ARHGEF1: variants seen among roughly 807,000 people sequenced by gnomAD.
The protein encoded by ARHGEF1 is Rho guanine nucleotide exchange factor 1.
In ARHGEF1, 40 loss-of-function variants were observed where a neutral mutation model predicts 119.7. That is an observed-to-expected ratio of 0.33 (90% confidence interval 0.26 to 0.44). The LOEUF (loss-of-function observed/expected upper bound fraction) is 0.44, where lower values mean the gene tolerates loss of function less well. Among genes scored for constraint, ARHGEF1 ranks in the 20% least tolerant of loss-of-function variants. The pLI is 1.00. For synonymous variants in ARHGEF1, 494 were observed against 521.0 expected, an observed-to-expected ratio of 0.95 and a Z score of 0.71; for missense variants, 976 against 1,268.3, an observed-to-expected ratio of 0.77 and a Z score of 3.50.
chr19:41,907,651 C>T (rs1263382674), downstream of ARHGEF1: 8 of 438,352 alleles, frequency 1.8e-5, no homozygotes, highest in Admixed American at 4.1e-5. Flanking sequence ...TCCCTGACAC[C>T]GCCCTCCAGC....
chr19:41,914,563 A>G lies in ARHGEF1; in HGVS notation c.1865+7760A>G, dbSNP rs868957595. ...ATCCGTCTTTCCCTCCCCTTCCACCATCTCTGTCTCCGTCTCTCCCTCCCT... is the reference window on the plus strand; with the variant it reads ...ATCCGTCTTTCCCTCCCCTTCCACCGTCTCTGTCTCCGTCTCTCCCTCCCT... On this transcript the variant is annotated intron_variant, in intron 18 of 20. Transcript: ENST00000599589. 3.5e-3 allele frequency among the ~76,000 whole-genome samples: 197 copies of G among 56,644 alleles called. 21 individuals are homozygous for G. The highest frequency in any genetic ancestry group is 0.012 in the African/African-American group (159 of 13,736). 37.2% of individuals were successfully genotyped at this position (56,644 alleles called of 152,430 possible). A position where few individuals can be genotyped will look rare whatever the true frequency, so the allele number is the denominator to read the frequency against.
chr19:41,913,172 A>C (rs2074764345), intron 18 of ARHGEF1, among the ~76,000 whole-genome samples: 1 of 142,334 alleles, frequency 7.0e-6, no homozygotes, highest in Non-Finnish European at 1.5e-5. Context: ...CCTCCTCCTC[A>C]CTCGGTGCCT....
Position 41,916,804 on chromosome 19 carries a change from A to T in ARHGEF1, c.1866-6288A>T, listed in dbSNP as rs1555851986. On this transcript the variant is annotated intron_variant, in intron 18 of 20. Coordinates refer to the ARHGEF1 transcript ENST00000599589. This position sits in a 1 kb window ranked among gnomAD's most constrained non-coding sequence, Gnocchi z 5.4. ...CCCATTCACAGACACAGTCACAATCACACACACACACCAAGATCACGGACC... is the reference window on the plus strand; with the variant it reads ...CCCATTCACAGACACAGTCACAATCTCACACACACACCAAGATCACGGACC... 6.6e-6 allele frequency among the ~76,000 whole-genome samples: 1 copy of T among 151,632 alleles called. No homozygotes were observed. The highest frequency in any genetic ancestry group is 1.5e-5 in the Non-Finnish European group (1 of 67,928).
At chr19:41,907,010 TCTCTCTCTG>T in intron 28 of ARHGEF1, 86 bp from the exon 29 acceptor site, 1 of 1,241,462 alleles carries the variant, frequency 8.1e-7, no homozygotes. Context: ...CACCTCCCCT[TCTCTCTCTG>T]CTCTCCCTGT....
chr19:41,908,475 G>A, downstream of ARHGEF1: 1 of 1,231,536 alleles, frequency 8.1e-7, no homozygotes, highest in Non-Finnish European at 1.0e-6. The surrounding 1 kb of genome is among the most constrained non-coding windows in gnomAD (Gnocchi z 6.7). Flanking sequence ...GGGCGTGGCT[G>A]TGGGGCCTCC....
Position 41,903,607 on chromosome 19 carries a change from C to A in ARHGEF1, c.1840-100C>A. On this transcript the variant is annotated intron_variant, in intron 19 of 28. Transcript: ENST00000354532. The surrounding 1 kb of genome is among the most constrained non-coding windows in gnomAD (Gnocchi z 4.2). ...TCAGGCCCAACCCTCAGCTTGCCCG[C>A]ATCAGAAGTTGGTCTTGGCTCTCAT... The A allele has an allele frequency of 1.5e-6, 2 of 1,325,740 alleles. No individual in the cohort carries two copies. Among genetic ancestry groups the A allele is most frequent in the Non-Finnish European group, 1.1e-6 (1 of 942,338 alleles). The allele number at this position is 1,325,740 out of a possible 1,614,324, so 82.1% of individuals were successfully genotyped here.
chr19:41,921,222 C>T (rs1327680030), upstream of ARHGEF1, among the ~76,000 whole-genome samples: 2 of 151,796 alleles, frequency 1.3e-5, no homozygotes, highest in East Asian at 3.9e-4. This position sits in a 1 kb window ranked among gnomAD's most constrained non-coding sequence, Gnocchi z 4.4. Context: ...CCCTCAGAGA[C>T]CCAGAGAGAT....
In ARHGEF1 at chr19:41,903,944, C is replaced by A; in HGVS notation, c.1918-91C>A. ...AATCCCATGATCCCCAGCCTGTGGT[C>A]ATCCCCGGCCACTGCCCTGCCCTTC... On this transcript the variant is annotated intron_variant, in intron 20 of 28. Coordinates refer to ENST00000354532, the MANE Select transcript of ARHGEF1 (RefSeq NM_004706.4). The surrounding 1 kb of genome is among the most constrained non-coding windows in gnomAD (Gnocchi z 4.2). 2 of 1,417,308 alleles carry A rather than the reference C, an allele frequency of 1.4e-6. No individual in the cohort carries two copies. The highest frequency in any genetic ancestry group is 2.4e-5 in the South Asian group (2 of 83,754). 87.8% of individuals were successfully genotyped at this position (1,417,308 alleles called of 1,614,324 possible).
intron 11 of ARHGEF1, 39 bp downstream of exon 11, chr19:41,894,700 T>C: frequency 2.5e-6 from 4 of 1,610,836 alleles, no homozygotes; most frequent in Non-Finnish European, 3.4e-6. Flanking sequence ...ACTGGGGGCC[T>C]GTGTGGGAGA....
upstream of ARHGEF1, among the ~76,000 whole-genome samples, chr19:41,918,198 G>A (rs868910297): frequency 1.3e-5 from 2 of 151,614 alleles, no homozygotes; most frequent in African/African-American, 4.9e-5. Flanking sequence ...TACCCCACAT[G>A]TATACGCCAC....
At chr19:41,920,907 C>G (rs547360352), upstream of ARHGEF1, among the ~76,000 whole-genome samples, 1 of 152,096 alleles carries the variant, frequency 6.6e-6, no homozygotes, top group South Asian at 2.1e-4. Context: ...ACCCCCCTCC[C>G]TCTGTCTCTC....
chr19:41,888,893 G>C lies in ARHGEF1; in HGVS notation c.225+28G>C, dbSNP rs1385849144. 4 of 1,578,860 alleles carry C rather than the reference G, an allele frequency of 2.5e-6. No homozygotes were observed. The highest frequency in any genetic ancestry group is 3.5e-6 in the Non-Finnish European group (4 of 1,151,992). ...GAGGGCAGGGCTGGGTGGGCACAGG[G>C]AGGGGTGGGGCTGGGACAGGCACAG... On this transcript the variant is annotated intron_variant, in intron 4 of 28. Transcript: ENST00000354532. This position sits in a 1 kb window ranked among gnomAD's most constrained non-coding sequence, Gnocchi z 5.1.
rs2074325763 is a variant in ARHGEF1, at chr19:41,888,318, C to G, written c.111+40C>G. On this transcript the variant is annotated intron_variant, in intron 3 of 28. Transcript: ENST00000354532. The surrounding 1 kb of genome is among the most constrained non-coding windows in gnomAD (Gnocchi z 5.1). Reference sequence around the variant, plus strand: ...GGGTGGAAAAGCTCTGTCCCAGGCTCAGTGTCCCGCCCCAGGTCCCCTCCC... The same window carrying G: ...GGGTGGAAAAGCTCTGTCCCAGGCTGAGTGTCCCGCCCCAGGTCCCCTCCC... 6.3e-7 allele frequency: 1 copy of G among 1,598,266 alleles called. No individual in the cohort carries two copies. Among genetic ancestry groups the G allele is most frequent in the Admixed American group, 1.7e-5 (1 of 59,884 alleles).
chr19:41,920,359 GCA>G (rs1237430811), upstream of ARHGEF1, among the ~76,000 whole-genome samples: 3 of 128,512 alleles, frequency 2.3e-5, no homozygotes, highest in East Asian at 2.4e-4. Flanking sequence ...CAGACGTGAC[GCA>G]CAGACATGAC....
intron 18 of ARHGEF1, among the ~76,000 whole-genome samples, chr19:41,914,831 T>C (rs1200876888): frequency 1.6e-4 from 2 of 12,176 alleles, no homozygotes; most frequent in Non-Finnish European, 2.9e-4. Context: ...TCTCCCCCCC[T>C]TTCCACCGTC....
intron 1 of ARHGEF1, among the ~76,000 whole-genome samples, chr19:41,884,210 C>A (rs1414861606): frequency 2.0e-5 from 3 of 152,130 alleles, no homozygotes; most frequent in Admixed American, 6.5e-5. Context: ...CGGGGGCAGT[C>A]GAGATACGGA....
downstream of ARHGEF1, among the ~76,000 whole-genome samples, chr19:41,911,863 G>A (rs1227245330): frequency 6.6e-6 from 1 of 151,622 alleles, no homozygotes; most frequent in Non-Finnish European, 1.5e-5. Flanking sequence ...CCCAAACTCA[G>A]TAGGCAGACA....
upstream of ARHGEF1, among the ~76,000 whole-genome samples, chr19:41,920,597 CAT>C (rs1175556426): frequency 5.3e-5 from 8 of 152,368 alleles, no homozygotes; most frequent in African/African-American, 1.2e-4. Context: ...ACAGACAGGA[CAT>C]GTGTGGCTCC....
intron 13 of ARHGEF1, chr19:41,898,049 C>G (rs1192996892): frequency 7.5e-7 from 1 of 1,341,418 alleles, no homozygotes; most frequent in East Asian, 3.0e-5. Context: ...GGGCCGCTCC[C>G]GGAGCGACGT....
Sources: allele counts gnomAD v4.1 joint callset (sites outside exome capture counted in the v4.1 genomes callset), GRCh38; gene constraint gnomAD v4.1.1; non-coding constraint Gnocchi (gnomAD v3.1); transcripts MANE v1.5; gene names NCBI Gene and HGNC (gene_info 2026-07-23, HGNC 2026-07-21).